BIRC6: variants seen among roughly 807,000 people sequenced by gnomAD.
BIRC6 encodes baculoviral IAP repeat containing 6.
A neutral mutation model predicts 503.3 loss-of-function variants in BIRC6; 98 were observed. The observed-to-expected ratio is 0.19, with a 90% CI of 0.17 to 0.23. The LOEUF is 0.23. Among genes scored for constraint, BIRC6 ranks in the 10% least tolerant of loss-of-function variants. The pLI, the probability that BIRC6 is intolerant of heterozygous loss-of-function variation, is 1.00. For missense variants in BIRC6, 5,360 were observed against 5,806.0 expected (o/e 0.92, Z 2.50); for synonymous variants, 2,240 against 2,078.7 (o/e 1.08, Z -2.11).
rs41280629 is a variant in BIRC6, at chr2:32,436,199, T to G, written c.3631+15T>G. The G allele has an allele frequency of 0.012, 16,144 of 1,385,212 alleles. 118 individuals carry two copies. Among genetic ancestry groups the G allele is most frequent in the Non-Finnish European group, 0.014 (14,268 of 1,051,902 alleles). 85.8% of individuals were successfully genotyped at this position (1,385,212 alleles called of 1,614,324 possible). A position where few individuals can be genotyped will look rare whatever the true frequency, so the allele number is the denominator to read the frequency against. The stretch of plus-strand genomic sequence containing the variant: ...ACTTGTTAAAGGTGAAGTAATACAT[T>G]TTACAAAAGCAGAATTAATAATACC... On this transcript the variant is annotated intron_variant, in intron 15 of 73. Transcript: ENST00000421745.
intron 60 of BIRC6, among the ~76,000 whole-genome samples, chr2:32,530,778 G>C (rs797021078): frequency 6.6e-6 from 1 of 152,192 alleles, no homozygotes; most frequent in African/African-American, 2.4e-5. Context: ...TCTTTGCCCA[G>C]TTTTTCAGCA....
intron 12 of BIRC6, 69 bp from the exon 13 acceptor site, chr2:32,433,575 T>A: frequency 7.5e-7 from 1 of 1,340,338 alleles, no homozygotes; most frequent in Non-Finnish European, 1.0e-6. Flanking sequence ...AAGGTGACCT[T>A]AATGATAATA....
intron 65 of BIRC6, among the ~76,000 whole-genome samples, chr2:32,560,867 C>CT (rs879409444): frequency 7.2e-4 from 105 of 145,562 alleles, no homozygotes; most frequent in Middle Eastern, 3.6e-3. Flanking sequence ...CTGTGCCCGA[C>CT]TTTTTTTTTT....
intron 4 of BIRC6, 131 bp from the exon 5 acceptor site, chr2:32,391,907 AT>A (rs1445507820): frequency 1.7e-6 from 1 of 590,224 alleles, no homozygotes; most frequent in Non-Finnish European, 2.8e-6. Context: ...AAAGTAAAAA[AT>A]TGAACTTGTT....
chr2:32,485,597 G>A (rs2050901383), intron 39 of BIRC6, 46 bp from the exon 40 acceptor site: 1 of 1,268,922 alleles, frequency 7.9e-7, no homozygotes, highest in Non-Finnish European at 1.1e-6. Flanking sequence ...TAGGACATGA[G>A]TAATAATTGT....
intron 1 of BIRC6, among the ~76,000 whole-genome samples, chr2:32,375,737 C>CTG: frequency 8.0e-6 from 1 of 125,604 alleles, no homozygotes; most frequent in African/African-American, 3.4e-5. Context: ...TATTTTCTTT[C>CTG]TCTCTCTTTT....
intron 24 of BIRC6, among the ~76,000 whole-genome samples, 170 bp from the exon 25 acceptor site, chr2:32,464,339 T>TCC (rs2048304966): frequency 6.6e-6 from 1 of 152,242 alleles, no homozygotes; most frequent in Non-Finnish European, 1.5e-5. Context: ...TTAAAGTGTA[T>TCC]ATAGCAAAGC....
chr2:32,419,868 C>T (rs2042755577), intron 10 of BIRC6, among the ~76,000 whole-genome samples: 3 of 152,128 alleles, frequency 2.0e-5, no homozygotes, highest in Non-Finnish European at 1.5e-5. Context: ...TTGTGGAAAA[C>T]ATTCCTTTAG....
At chr2:32,546,961 C>T (rs1278341791) in intron 63 of BIRC6, among the ~76,000 whole-genome samples, 5 of 152,102 alleles carry the variant, frequency 3.3e-5, no homozygotes, top group African/African-American at 1.2e-4. Context: ...CACCTATATT[C>T]CTAGCTACTT....
Position 32,467,717 on chromosome 2 carries a change from C to G in BIRC6, c.5549C>G (p.Pro1850Arg). The change falls in exon 27 of 74, where the codon CCT becomes CGT. Residue 1850 changes from proline (P) to arginine (R), a missense_variant. By Grantham distance (103) the Pro-to-Arg change is moderately radical (BLOSUM62 -2). This residue lies in a region of BIRC6 where 2,299 missense variants were observed against 2,267.2 expected (regional missense o/e 1.01). Transcript: ENST00000421745. ...HSLILHDLIPPPVCRFMKITV... is the reference protein window; with the variant it reads ...HSLILHDLIPRPVCRFMKITV... ...CTAATTCTTCATGACTTAATACCAC[C>G]TCCCGTGTGCAGATTCATGAAGGTA... The G allele has an allele frequency of 6.2e-7, 1 of 1,613,372 alleles. No homozygotes were observed. The highest frequency in any genetic ancestry group is 1.1e-5 in the South Asian group (1 of 90,956).
At chr2:32,398,505 ATTGT>A (rs1310228277) in intron 6 of BIRC6, among the ~76,000 whole-genome samples, 3 of 152,204 alleles carry the variant, frequency 2.0e-5, no homozygotes, top group African/African-American at 7.2e-5. Flanking sequence ...AGTGACACCA[ATTGT>A]TTAACAATTT....
At chr2:32,495,073 AT>A (rs1309185402) in intron 45 of BIRC6, among the ~76,000 whole-genome samples, 3 of 152,182 alleles carry the variant, frequency 2.0e-5, no homozygotes, top group South Asian at 4.1e-4. Context: ...ATTAGTCATC[AT>A]TTGTTTTATT....
At position 32,439,546 on chromosome 2, in the gene BIRC6, G is replaced by A; in HGVS notation, c.3670G>A (p.Val1224Ile). Residue 1224 changes from valine (V) to isoleucine (I), a missense_variant, in exon 16 of 74, where the codon GTC becomes ATC. Val to Ile is a conservative substitution (Grantham distance 29). Transcript: ENST00000421745. ...AAAATATCGTTCGTTTTTAATCCATGTCAAGGCAGTGAATGAAAGAGGAAC... is the reference window on the plus strand; with the variant it reads ...AAAATATCGTTCGTTTTTAATCCATATCAAGGCAGTGAATGAAAGAGGAAC... The part of the protein sequence containing the change: ...GGKYRSFLIH[V>I]KAVNERGTEE... The A allele has an allele frequency of 3.1e-6, 5 of 1,613,892 alleles. No individual in the cohort carries two copies. The highest frequency in any genetic ancestry group is 4.2e-6 in the Non-Finnish European group (5 of 1,179,854).
Position 32,449,050 on chromosome 2 carries a change from TATC to T in BIRC6, c.4618+125_4618+127del, listed in dbSNP as rs536166417. The T allele has an allele frequency of 1.1e-4, 94 of 850,086 alleles. No individual in the cohort carries two copies. In the East Asian group the frequency reaches 2.4e-3, roughly 22 times the overall value. 52.7% of individuals were successfully genotyped at this position (850,086 alleles called of 1,614,324 possible). On this transcript the variant is annotated intron_variant, in intron 22 of 73. Coordinates refer to ENST00000421745, the MANE Select transcript of BIRC6 (RefSeq NM_016252.4). The stretch of plus-strand genomic sequence containing the variant: ...TAGAAAACTAAAATTCCTTAGAACT[TATC>T]ATATGAATTATTAAAATGTTTCCTA...
chr2:32,401,911 T>A (rs2040640339), intron 8 of BIRC6, among the ~76,000 whole-genome samples: 1 of 152,198 alleles, frequency 6.6e-6, no homozygotes, highest in African/African-American at 2.4e-5. Flanking sequence ...TTGGAAAGTC[T>A]AAATAATGAA....
chr2:32,424,212 T>TA (rs1365052845), intron 10 of BIRC6, among the ~76,000 whole-genome samples: 1 of 152,104 alleles, frequency 6.6e-6, no homozygotes, highest in African/African-American at 2.4e-5. Flanking sequence ...GCCTAATTTA[T>TA]AAATTAAATT....
At chr2:32,518,750 G>T in intron 56 of BIRC6, 67 bp from the exon 57 acceptor site, 1 of 1,506,986 alleles carries the variant, frequency 6.6e-7, no homozygotes, top group South Asian at 1.2e-5. Flanking sequence ...ATGCTTTTGA[G>T]ATTATTTTAT....
At chr2:32,470,012 C>G (rs1360246634) in intron 30 of BIRC6, among the ~76,000 whole-genome samples, 156 bp from the exon 31 acceptor site, 5 of 152,166 alleles carry the variant, frequency 3.3e-5, no homozygotes, top group Non-Finnish European at 7.4e-5. Context: ...TTCATACCTC[C>G]AGATACAAAT....
chr2:32,479,544 T>C lies in BIRC6; in HGVS notation c.7335T>C (p.Ser2445=), dbSNP rs2050147684. 6.2e-7 allele frequency: 1 copy of C among 1,608,180 alleles called. No homozygotes were observed. The highest frequency in any genetic ancestry group is 1.3e-5 in the African/African-American group (1 of 74,874). The change falls in exon 37 of 74, where the codon TCT becomes TCC. Residue 2445 remains serine (S), a synonymous_variant. Coordinates refer to ENST00000421745, the MANE Select transcript of BIRC6 (RefSeq NM_016252.4). ...GDDVGATAGD[S]DDSLQQSSVQ... ...ATGTAGGTGCGACAGCTGGTGACTC[T>C]GATGACTCCCTTCAACAGTCCTCAG...
Sources: allele counts gnomAD v4.1 joint callset (sites outside exome capture counted in the v4.1 genomes callset), GRCh38; gene constraint gnomAD v4.1.1; regional missense constraint gnomAD v4.1.1; transcripts MANE v1.5; gene names NCBI Gene and HGNC (gene_info 2026-07-23, HGNC 2026-07-21).